The following DISC1 variants were observed in gnomAD, a reference collection of about 807,000 sequenced individuals.
DISC1 encodes the protein DISC1 scaffold protein, also known as disrupted in schizophrenia 1 protein.
A neutral mutation model predicts 84.5 loss-of-function variants in DISC1; 57 were observed. The observed-to-expected ratio is 0.67, with a 90% CI of 0.55 to 0.84. The LOEUF (loss-of-function observed/expected upper bound fraction) is 0.84. DISC1 is among the 40% of genes least tolerant of loss of function. The probability of loss-of-function intolerance (pLI) is 0.00; values close to 1 mark genes in which losing one functional copy is unlikely to be tolerated. For missense variants in DISC1, 1,000 were observed against 1,057.8 expected, an observed-to-expected ratio of 0.95 and a Z score of 0.76; for synonymous variants, 411 against 415.2, an observed-to-expected ratio of 0.99 and a Z score of 0.12.
chr1:231,965,146 A>G (rs1660915838), intron 10 of DISC1, among the ~76,000 whole-genome samples: 1 of 152,262 alleles, frequency 6.6e-6, no homozygotes, highest in Non-Finnish European at 1.5e-5. Context: ...GAAGTATCTG[A>G]TGCTGGCAGT....
intron 1 of DISC1, among the ~76,000 whole-genome samples, chr1:231,689,168 A>G (rs1415235112): frequency 6.6e-6 from 1 of 152,190 alleles, no homozygotes; most frequent in Non-Finnish European, 1.5e-5. Flanking sequence ...TGCTTCCACT[A>G]TAAATTTATA....
intron 9 of DISC1, among the ~76,000 whole-genome samples, chr1:231,851,849 A>G (rs890110875): frequency 6.6e-6 from 1 of 152,160 alleles, no homozygotes; most frequent in Non-Finnish European, 1.5e-5. Context: ...CAAAAGGCTT[A>G]GAATATAAAA....
chr1:231,682,934 C>G (rs1430387692), intron 1 of DISC1, among the ~76,000 whole-genome samples: 1 of 152,222 alleles, frequency 6.6e-6, no homozygotes, highest in Non-Finnish European at 1.5e-5. Flanking sequence ...GGCTGGATGT[C>G]AAACTGCTGG....
At chr1:231,699,273 C>A (rs2066102774) in intron 2 of DISC1, among the ~76,000 whole-genome samples, 1 of 152,154 alleles carries the variant, frequency 6.6e-6, no homozygotes, top group Non-Finnish European at 1.5e-5. Flanking sequence ...AAAATCAAGT[C>A]AGTGTAAGTA....
intron 3 of DISC1, among the ~76,000 whole-genome samples, chr1:231,707,088 T>C (rs1218339053): frequency 6.6e-6 from 1 of 152,194 alleles, no homozygotes; most frequent in African/African-American, 2.4e-5. Context: ...AAAACAAGAT[T>C]GAATAGAATC....
At position 231,903,007 on chromosome 1, in the gene DISC1, TCTTCTC is replaced by T. The variant is rs1387778609; in HGVS notation, c.1982-55812_1982-55807del. 5.3e-5 allele frequency among the ~76,000 whole-genome samples: 8 copies of T among 152,090 alleles called. No homozygotes were observed. The East Asian group carries it at 1.5e-3, about 29-fold the overall frequency. ...ATCACTGTGTCTTTGTATCTCTTCTTCTTCTCCTTCTCCTCTCTCTTCCTCCTCCTC... is the reference window on the plus strand; with the variant it reads ...ATCACTGTGTCTTTGTATCTCTTCTTCTTCTCCTCTCTCTTCCTCCTCCTC... On this transcript the variant is annotated intron_variant, in intron 9 of 12. Coordinates refer to ENST00000439617, the MANE Select transcript of DISC1 (RefSeq NM_018662.3).
Position 232,026,569 on chromosome 1 carries a change from G to A in DISC1, c.2425+17G>A. The A allele has an allele frequency of 6.5e-7, 1 of 1,548,580 alleles. No homozygotes were observed. Among genetic ancestry groups the A allele is most frequent in the Non-Finnish European group, 8.8e-7 (1 of 1,132,158 alleles). ...ATCTCATTCATATCCTTTTCATCTT[G>A]CAGATGAAGCAAGGCAAAGTTATTT... On this transcript the variant is annotated intron_variant, in intron 12 of 12. Coordinates refer to ENST00000439617, the MANE Select transcript of DISC1 (RefSeq NM_018662.3).
chr1:232,002,570 A>G (rs944625059), intron 10 of DISC1, among the ~76,000 whole-genome samples: 18 of 151,360 alleles, frequency 1.2e-4, no homozygotes, highest in Admixed American at 6.6e-4. Flanking sequence ...CAATTGATAC[A>G]CGAATCTCCA....
intron 9 of DISC1, among the ~76,000 whole-genome samples, chr1:231,918,002 C>G (rs1027644391): frequency 1.3e-5 from 2 of 152,204 alleles, no homozygotes; most frequent in Non-Finnish European, 2.9e-5. Context: ...ACTACAAACA[C>G]TAAAACAGCA....
intron 8 of DISC1, among the ~76,000 whole-genome samples, chr1:231,800,777 A>C (rs190083101): frequency 6.6e-6 from 1 of 152,196 alleles, no homozygotes; most frequent in African/African-American, 2.4e-5. Flanking sequence ...CACAATTGCT[A>C]TATTAGGTAG....
At chr1:231,771,567 T>C (rs944171849) in intron 6 of DISC1, 1 of 985,454 alleles carries the variant, frequency 1.0e-6, no homozygotes, top group African/African-American at 1.7e-5. Context: ...GGCAGTGTTA[T>C]AAGCTGACTC....
At chr1:231,996,941 G>A (rs187740499) in intron 10 of DISC1, among the ~76,000 whole-genome samples, 68 of 152,284 alleles carry the variant, frequency 4.5e-4, no homozygotes, top group Admixed American at 3.5e-3. Context: ...TATTACTAAT[G>A]ATCTAATTGT....
intron 12 of DISC1, among the ~76,000 whole-genome samples, chr1:232,030,548 G>T (rs2806465): frequency 6.1e-4 from 93 of 152,014 alleles, no homozygotes; most frequent in African/African-American, 2.2e-3. Context: ...TGTTTCTCTG[G>T]TTATTTGGAG....
intron 11 of DISC1, among the ~76,000 whole-genome samples, chr1:232,017,897 C>T (rs150499507): frequency 1.3e-5 from 2 of 152,294 alleles, no homozygotes; most frequent in East Asian, 1.9e-4. Flanking sequence ...CTTCACATAG[C>T]CCCTCCCTTT....
At chr1:231,956,282 C>T (rs1659485958) in intron 9 of DISC1, among the ~76,000 whole-genome samples, 1 of 152,198 alleles carries the variant, frequency 6.6e-6, no homozygotes, top group Non-Finnish European at 1.5e-5. Flanking sequence ...GTCTTGGGGT[C>T]TTCATCTCTG....
At chr1:231,814,977 AAT>A (rs894677076) in intron 8 of DISC1, 3 of 146,218 alleles carry the variant, frequency 2.1e-5, no homozygotes, top group Non-Finnish European at 4.5e-5. Context: ...TAATAATAAT[AAT>A]ATAAGATATA....
At chr1:231,784,262 C>CAA (rs71648875) in intron 6 of DISC1, among the ~76,000 whole-genome samples, 4 of 106,130 alleles carry the variant, frequency 3.8e-5, no homozygotes, top group Non-Finnish European at 4.1e-5. Context: ...GACTCCGTCT[C>CAA]AAAAAAAAAA....
rs557925792 is a variant in DISC1 at position 231,704,528 on chromosome 1, G to C, written c.1117+2504G>C. 6.6e-5 allele frequency among the ~76,000 whole-genome samples: 10 copies of C among 152,156 alleles called. No individual in the cohort carries two copies. In the South Asian group the frequency reaches 2.1e-3, roughly 32 times the overall value. ...TCCCAGCACTTTGGGAGTCCGAGGC[G>C]GGTGGATCACGAGGTCAGGAGATCG... On this transcript the variant is annotated intron_variant, in intron 3 of 12. Transcript: ENST00000439617.
intron 9 of DISC1, among the ~76,000 whole-genome samples, chr1:231,907,483 A>G (rs2088829749): frequency 6.6e-6 from 1 of 152,104 alleles, no homozygotes; most frequent in Admixed American, 6.5e-5. Flanking sequence ...ATTTCCCTAC[A>G]AAGGACATGT....
Sources: allele counts gnomAD v4.1 joint callset (sites outside exome capture counted in the v4.1 genomes callset), GRCh38; gene constraint gnomAD v4.1.1; transcripts MANE v1.5; gene names NCBI Gene and HGNC (gene_info 2026-07-23, HGNC 2026-07-21).